C1orf21: variants seen among roughly 807,000 people sequenced by gnomAD.
The protein encoded by C1orf21 is chromosome 1 open reading frame 21.
A neutral mutation model predicts 18.7 loss-of-function variants in C1orf21; 3 were observed. The ratio of observed to expected loss-of-function variants is 0.16; its 90% CI spans 0.07 to 0.42. The LOEUF (loss-of-function observed/expected upper bound fraction) is 0.42, where lower values mean the gene tolerates loss of function less well. C1orf21 is among the 10% of genes least tolerant of loss of function. The probability of loss-of-function intolerance (pLI) is 0.99; values close to 1 mark genes in which losing one functional copy is unlikely to be tolerated. For synonymous variants in C1orf21, 41 were observed against 46.4 expected, an observed-to-expected ratio of 0.88 and a Z score of 0.47; for missense variants, 104 against 143.6, an observed-to-expected ratio of 0.72 and a Z score of 1.41.
intron 2 of C1orf21, among the ~76,000 whole-genome samples, chr1:184,499,314 G>A (rs767811524): frequency 6.6e-6 from 1 of 152,160 alleles, no homozygotes; most frequent in Admixed American, 6.6e-5. Context: ...TAAAGACATT[G>A]CATTAATTAC....
At chr1:184,588,605 T>G (rs747400945) in intron 3 of C1orf21, among the ~76,000 whole-genome samples, 16 of 152,124 alleles carry the variant, frequency 1.1e-4, no homozygotes, top group Non-Finnish European at 2.2e-4. Flanking sequence ...GGGATAATAA[T>G]GGTACCCAAC....
At chr1:184,474,477 C>A (rs941828185) in intron 1 of C1orf21, among the ~76,000 whole-genome samples, 2 of 152,166 alleles carry the variant, frequency 1.3e-5, no homozygotes, top group Admixed American at 1.3e-4. Flanking sequence ...TAATTTCCAC[C>A]TTTAAAATTC....
intron 3 of C1orf21, among the ~76,000 whole-genome samples, chr1:184,529,675 T>C (rs1448387412): frequency 6.6e-6 from 1 of 151,818 alleles, no homozygotes; most frequent in Non-Finnish European, 1.5e-5. Flanking sequence ...CAAAGAGCAG[T>C]CCAATAAAGG....
intron 1 of C1orf21, among the ~76,000 whole-genome samples, chr1:184,417,359 C>A (rs184155989): frequency 1.3e-3 from 196 of 152,276 alleles, no homozygotes; most frequent in African/African-American, 4.6e-3. Flanking sequence ...CACCCCTCCC[C>A]CAAAGACATC....
At chr1:184,456,549 G>T (rs538442419) in intron 1 of C1orf21, among the ~76,000 whole-genome samples, 11 of 152,204 alleles carry the variant, frequency 7.2e-5, no homozygotes, top group African/African-American at 2.2e-4. Context: ...TTACGGTAAA[G>T]ACAGTTCCAC....
At chr1:184,574,881 C>G (rs1659164828) in intron 3 of C1orf21, among the ~76,000 whole-genome samples, 1 of 152,216 alleles carries the variant, frequency 6.6e-6, no homozygotes, top group East Asian at 1.9e-4. Flanking sequence ...AGGGCCCAGT[C>G]CTGTCACTAT....
Position 184,622,847 on chromosome 1 carries a change from C to T in C1orf21, c.*3291C>T, listed in dbSNP as rs1659945340. 1 of 152,440 alleles carries T rather than the reference C, an allele frequency of 6.6e-6. No individual in the cohort carries two copies. The highest frequency in any genetic ancestry group is 2.4e-5 in the African/African-American group (1 of 41,444). The allele number at this position is 152,440 out of a possible 1,614,324, so 9.4% of individuals were successfully genotyped here. On this transcript the variant is annotated 3_prime_UTR_variant, in exon 6 of 6. Coordinates refer to ENST00000235307, the MANE Select transcript of C1orf21 (RefSeq NM_030806.4). ...TCCTCACTGTAATGTGAGGAAGCAC[C>T]TCTGTGTCAGGGCTCACCTGGGCAT...
intron 2 of C1orf21, among the ~76,000 whole-genome samples, chr1:184,500,054 G>A (rs1279194501): frequency 6.6e-6 from 1 of 152,176 alleles, no homozygotes; most frequent in Admixed American, 6.5e-5. Context: ...AACCATGCGT[G>A]TCTTCCCTTT....
In C1orf21 at chr1:184,624,254, G is replaced by T. The variant is rs555426014; in HGVS notation, c.*4698G>T. ...CTCACCAGCTTGGTTTCCTCATGGG[G>T]AGTGTTTTATTTGGCCTCCCCTATC... On this transcript the variant is annotated 3_prime_UTR_variant, in exon 6 of 6. Coordinates refer to ENST00000235307, the MANE Select transcript of C1orf21 (RefSeq NM_030806.4). 3.5e-4 allele frequency: 53 copies of T among 152,672 alleles called. No individual in the cohort carries two copies. The highest frequency in any genetic ancestry group is 1.2e-3 in the African/African-American group (50 of 41,544). The allele number at this position is 152,672 out of a possible 1,614,324, so 9.5% of individuals were successfully genotyped here. A position where few individuals can be genotyped will look rare whatever the true frequency, so the allele number is the denominator to read the frequency against.
At chr1:184,402,918 A>G (rs772528221) in intron 1 of C1orf21, among the ~76,000 whole-genome samples, 1 of 152,244 alleles carries the variant, frequency 6.6e-6, no homozygotes, top group African/African-American at 2.4e-5. Flanking sequence ...TGGTGAGAGT[A>G]TAAGTTGTTA....
chr1:184,489,285 T>C (rs1657779594), intron 2 of C1orf21, among the ~76,000 whole-genome samples: 1 of 151,984 alleles, frequency 6.6e-6, no homozygotes, highest in South Asian at 2.1e-4. Flanking sequence ...TGGACAAAGT[T>C]CATGGCCAGG....
chr1:184,532,170 G>A (rs1201138173), intron 3 of C1orf21, among the ~76,000 whole-genome samples: 2 of 152,080 alleles, frequency 1.3e-5, no homozygotes, highest in Non-Finnish European at 2.9e-5. Flanking sequence ...AGTTTGGAGT[G>A]AGAGGGAAAT....
chr1:184,502,606 T>G (rs1234394930), intron 2 of C1orf21, among the ~76,000 whole-genome samples: 1 of 152,152 alleles, frequency 6.6e-6, no homozygotes, highest in African/African-American at 2.4e-5. Context: ...GCTGTCTTAG[T>G]GACATTAACA....
chr1:184,470,839 A>G (rs1657484537), intron 1 of C1orf21, among the ~76,000 whole-genome samples: 1 of 151,906 alleles, frequency 6.6e-6, no homozygotes, highest in African/African-American at 2.4e-5. Context: ...AGATCACACC[A>G]CTGCACTCCA....
intron 1 of C1orf21, among the ~76,000 whole-genome samples, chr1:184,475,346 C>A (rs909133427): frequency 3.3e-5 from 5 of 152,134 alleles, no homozygotes; most frequent in Non-Finnish European, 1.5e-5. Flanking sequence ...CCTGCCCCCC[C>A]ATCCCCACCT....
chr1:184,451,120 C>T (rs1403583242), intron 1 of C1orf21, among the ~76,000 whole-genome samples: 2 of 152,272 alleles, frequency 1.3e-5, no homozygotes, highest in East Asian at 1.9e-4. Context: ...TCAGGTGATC[C>T]GTCTGCCTCG....
chr1:184,618,102 G>GTT (rs1432625463), intron 5 of C1orf21, among the ~76,000 whole-genome samples: 1 of 151,886 alleles, frequency 6.6e-6, no homozygotes, highest in Non-Finnish European at 1.5e-5. Flanking sequence ...TAGAGATGGG[G>GTT]TTTCACCATG....
chr1:184,444,723 AT>A, intron 1 of C1orf21, among the ~76,000 whole-genome samples: 1 of 152,164 alleles, frequency 6.6e-6, no homozygotes, highest in East Asian at 1.9e-4. Flanking sequence ...ATCTCACAAG[AT>A]TGTTGTGAGT....
At chr1:184,531,043 G>A (rs954258225) in intron 3 of C1orf21, among the ~76,000 whole-genome samples, 5 of 152,022 alleles carry the variant, frequency 3.3e-5, no homozygotes, top group South Asian at 2.1e-4. Flanking sequence ...TTTTTACAGC[G>A]GGAAAAACTA....
Sources: allele counts gnomAD v4.1 joint callset (sites outside exome capture counted in the v4.1 genomes callset), GRCh38; gene constraint gnomAD v4.1.1; transcripts MANE v1.5; gene names NCBI Gene and HGNC (gene_info 2026-07-23, HGNC 2026-07-21).